Variants in GNA12 observed in about 807,000 individuals in gnomAD.
GNA12 encodes the protein G protein subunit alpha 12.
In GNA12, 9 loss-of-function variants were observed where a neutral mutation model predicts 26.0. The observed-to-expected ratio is 0.35, with a 90% CI of 0.21 to 0.60. GNA12 has a LOEUF of 0.60. GNA12 is among the 20% of genes least tolerant of loss of function. The pLI is 0.78. For missense variants in GNA12, 405 were observed against 525.8 expected (o/e 0.77, Z 2.25); for synonymous variants, 264 against 219.6 (o/e 1.20, Z -1.79).
intron 1 of GNA12, among the ~76,000 whole-genome samples, chr7:2,797,759 G>C (rs1344569496): frequency 6.6e-6 from 1 of 152,126 alleles, no homozygotes; most frequent in Non-Finnish European, 1.5e-5. Flanking sequence ...GATGCTCCCT[G>C]ATTTTCCCCT....
chr7:2,730,999 G>C lies in GNA12; in HGVS notation c.*182C>G, dbSNP rs1789860413. ...CCAGGATTCAGTAGCTAACGTGACA[G>C]TTTCCATGTCCTTTTGCCTAGAGCT... On this transcript the variant is annotated 3_prime_UTR_variant, in exon 4 of 4. Transcript: ENST00000275364. The C allele has an allele frequency of 1.9e-6, 1 of 535,112 alleles. No individual in the cohort carries two copies. Among genetic ancestry groups the C allele is most frequent in the Admixed American group, 3.1e-5 (1 of 32,324 alleles). The allele number at this position is 535,112 out of a possible 1,614,324, so 33.1% of individuals were successfully genotyped here.
At chr7:2,768,814 A>C (rs1791877521) in intron 2 of GNA12, among the ~76,000 whole-genome samples, 1 of 152,124 alleles carries the variant, frequency 6.6e-6, no homozygotes, top group South Asian at 2.1e-4. Flanking sequence ...ATATGTGTAT[A>C]TTGTATGTGG....
chr7:2,809,978 C>T (rs1793040320), intron 1 of GNA12, among the ~76,000 whole-genome samples: 1 of 152,138 alleles, frequency 6.6e-6, no homozygotes, highest in South Asian at 2.1e-4. Flanking sequence ...ATTCTGAATT[C>T]GGAACAGTCT....
At chr7:2,805,122 C>G (rs1792913966) in intron 1 of GNA12, among the ~76,000 whole-genome samples, 1 of 152,142 alleles carries the variant, frequency 6.6e-6, no homozygotes, top group South Asian at 2.1e-4. Context: ...CCTTTAAACA[C>G]CGACCAAGGT....
chr7:2,758,798 A>C (rs1791420357), intron 2 of GNA12, among the ~76,000 whole-genome samples: 1 of 152,200 alleles, frequency 6.6e-6, no homozygotes, highest in African/African-American at 2.4e-5. Flanking sequence ...TACTCATCTA[A>C]TAGAACACCA....
chr7:2,731,138 C>T lies in GNA12; in HGVS notation c.*43G>A, dbSNP rs113465805. On this transcript the variant is annotated 3_prime_UTR_variant, in exon 4 of 4. Coordinates refer to ENST00000275364, the MANE Select transcript of GNA12 (RefSeq NM_007353.3). This position sits in a 1 kb window ranked among gnomAD's most constrained non-coding sequence, Gnocchi z 6.0. ...CACACCCAAGAGTCTGACCGACAGC[C>T]GTGGGGGCTGCTCAACGACGACAAA... The T allele has an allele frequency of 1.3e-5, 18 of 1,358,334 alleles. No homozygotes were observed. The highest frequency in any genetic ancestry group is 8.5e-5 in the African/African-American group (6 of 70,192). The allele number at this position is 1,358,334 out of a possible 1,614,324, so 84.1% of individuals were successfully genotyped here.
intron 2 of GNA12, among the ~76,000 whole-genome samples, chr7:2,793,271 A>G (rs1395367178): frequency 6.8e-6 from 1 of 147,780 alleles, no homozygotes; most frequent in Non-Finnish European, 1.5e-5. Context: ...GCCAGGATCC[A>G]GCAGACAGGA....
intron 2 of GNA12, among the ~76,000 whole-genome samples, chr7:2,775,733 C>T (rs774473523): frequency 6.6e-6 from 1 of 152,202 alleles, no homozygotes; most frequent in Non-Finnish European, 1.5e-5. Flanking sequence ...CTCCGAATCA[C>T]GTCACAAGTG....
At chr7:2,808,154 T>C (rs1367538355) in intron 1 of GNA12, among the ~76,000 whole-genome samples, 1 of 152,260 alleles carries the variant, frequency 6.6e-6, no homozygotes. Flanking sequence ...AGTTGGCCTC[T>C]GCAAGTTTCA....
intron 1 of GNA12, among the ~76,000 whole-genome samples, chr7:2,820,109 G>A (rs956946509): frequency 9.2e-5 from 14 of 152,140 alleles, no homozygotes; most frequent in Non-Finnish European, 4.4e-5. Flanking sequence ...GAAGTCCGTC[G>A]CAGAAGACAA....
chr7:2,818,405 C>T (rs182520064), intron 1 of GNA12, among the ~76,000 whole-genome samples: 446 of 152,210 alleles, frequency 2.9e-3, no homozygotes, highest in Non-Finnish European at 2.7e-3. Flanking sequence ...GTCTCTCCAA[C>T]GGAGAACCAC....
chr7:2,819,160 G>C (rs985620442), intron 1 of GNA12, among the ~76,000 whole-genome samples: 1 of 152,072 alleles, frequency 6.6e-6, no homozygotes, highest in Admixed American at 6.5e-5. Flanking sequence ...GAGTTGCAGG[G>C]GCTGCAAGCA....
intron 1 of GNA12, among the ~76,000 whole-genome samples, chr7:2,809,489 C>T (rs1007690122): frequency 6.6e-6 from 1 of 152,088 alleles, no homozygotes; most frequent in Non-Finnish European, 1.5e-5. Context: ...GACATTAATA[C>T]ATAAATATTG....
intron 2 of GNA12, among the ~76,000 whole-genome samples, chr7:2,739,707 C>T (rs1790403440): frequency 6.6e-6 from 1 of 152,098 alleles, no homozygotes. Flanking sequence ...TGGAGTCTCG[C>T]CCCGTTGCTC....
At chr7:2,776,530 C>T (rs999640953) in intron 2 of GNA12, among the ~76,000 whole-genome samples, 2 of 152,212 alleles carry the variant, frequency 1.3e-5, no homozygotes, top group East Asian at 1.9e-4. Flanking sequence ...CCACATTCAA[C>T]GGCTAAAGGA....
chr7:2,833,673 C>G (rs1778746831), intron 1 of GNA12, among the ~76,000 whole-genome samples: 2 of 152,076 alleles, frequency 1.3e-5, no homozygotes, highest in African/African-American at 4.8e-5. Context: ...AAGGACCAAC[C>G]CCGTATGTCA....
At chr7:2,787,684 C>T (rs911867530) in intron 2 of GNA12, among the ~76,000 whole-genome samples, 31 of 152,240 alleles carry the variant, frequency 2.0e-4, no homozygotes, top group Non-Finnish European at 8.8e-5. Context: ...GCTGACTGCT[C>T]AGATTCTTGA....
At chr7:2,736,372 C>T (rs377492660) in intron 2 of GNA12, among the ~76,000 whole-genome samples, 2 of 152,212 alleles carry the variant, frequency 1.3e-5, no homozygotes, top group South Asian at 2.1e-4. Flanking sequence ...CTTGGACTTG[C>T]GGATTAAATG....
chr7:2,828,959 G>T (rs1291982659), intron 1 of GNA12, among the ~76,000 whole-genome samples: 1 of 152,042 alleles, frequency 6.6e-6, no homozygotes, highest in Non-Finnish European at 1.5e-5. Flanking sequence ...TGCAGTCCCA[G>T]CTACTTGGGA....
Sources: allele counts gnomAD v4.1 joint callset (sites outside exome capture counted in the v4.1 genomes callset), GRCh38; gene constraint gnomAD v4.1.1; non-coding constraint Gnocchi (gnomAD v3.1); transcripts MANE v1.5; gene names NCBI Gene and HGNC (gene_info 2026-07-23, HGNC 2026-07-21).